Variants in KLHL24 observed in about 807,000 individuals in gnomAD.
The protein encoded by KLHL24 is kelch like family member 24.
In KLHL24, 29 loss-of-function variants were observed where a neutral mutation model predicts 53.4. That is an observed-to-expected ratio of 0.54 (90% CI 0.40 to 0.74). The LOEUF (loss-of-function observed/expected upper bound fraction) is 0.74, where lower values mean the gene tolerates loss of function less well. Among genes scored for constraint, KLHL24 ranks in the 30% least tolerant of loss-of-function variants. The pLI is 0.00. For missense variants in KLHL24, 504 were observed against 744.0 expected, an observed-to-expected ratio of 0.68 and a Z score of 3.75; for synonymous variants, 222 against 253.7, an observed-to-expected ratio of 0.88 and a Z score of 1.19.
chr3:183,674,376 T>C (rs1258041826), intron 7 of KLHL24, among the ~76,000 whole-genome samples: 1 of 151,674 alleles, frequency 6.6e-6, no homozygotes, highest in Non-Finnish European at 1.5e-5. Flanking sequence ...CTTTCTTTTT[T>C]TGAGACGGAG....
intron 5 of KLHL24, among the ~76,000 whole-genome samples, chr3:183,669,294 G>A (rs970244149): frequency 6.6e-6 from 1 of 152,140 alleles, no homozygotes; most frequent in African/African-American, 2.4e-5. Flanking sequence ...AGACATTGCA[G>A]TGAGCTGAGA....
At chr3:183,660,852 T>C (rs1007077383) in intron 3 of KLHL24, among the ~76,000 whole-genome samples, 1 of 151,334 alleles carries the variant, frequency 6.6e-6, no homozygotes, top group African/African-American at 2.4e-5. Context: ...GGTCAGGAGA[T>C]CGAAACCACG....
chr3:183,635,968 TG>T (rs1288380113), intron 1 of KLHL24, among the ~76,000 whole-genome samples, 175 bp downstream of exon 1: 2 of 152,074 alleles, frequency 1.3e-5, no homozygotes, highest in African/African-American at 2.4e-5. Context: ...AGGGTTCACC[TG>T]GGGGGTCTTC....
rs921684354 is a variant in KLHL24 at position 183,681,162 on chromosome 3, G to A, written c.*1876G>A. On this transcript the variant is annotated 3_prime_UTR_variant, in exon 8 of 8. Transcript: ENST00000242810. ...TTTCTATCCTCTTAGTTGAAAGAAT[G>A]TAGGTACAGTTTGGATACTTGTACT... The A allele has an allele frequency of 3.3e-5, 5 of 152,044 alleles. No individual in the cohort carries two copies. Among genetic ancestry groups the A allele is most frequent in the Non-Finnish European group, 7.4e-5 (5 of 67,950 alleles). The allele number at this position is 152,044 out of a possible 1,614,324, so 9.4% of individuals were successfully genotyped here. A position where few individuals can be genotyped will look rare whatever the true frequency, so the allele number is the denominator to read the frequency against.
In KLHL24 at chr3:183,683,151, G is replaced by C. The variant is rs192091647; in HGVS notation, c.*3865G>C. 6.6e-6 allele frequency: 1 copy of C among 151,962 alleles called. No homozygotes were observed. The highest frequency in any genetic ancestry group is 1.5e-5 in the Non-Finnish European group (1 of 68,084). 9.4% of individuals were successfully genotyped at this position (151,962 alleles called of 1,614,324 possible). On this transcript the variant is annotated 3_prime_UTR_variant, in exon 8 of 8. Coordinates refer to ENST00000242810, the MANE Select transcript of KLHL24 (RefSeq NM_017644.3). The stretch of plus-strand genomic sequence containing the variant: ...AGTAGAGACGGGGTTTAGTAGAGAC[G>C]GATCACTCCTGACCACGTGATCCGC...
At chr3:183,667,234 A>G (rs1295784305) in intron 5 of KLHL24, among the ~76,000 whole-genome samples, 2 of 152,184 alleles carry the variant, frequency 1.3e-5, no homozygotes, top group African/African-American at 4.8e-5. Flanking sequence ...CCTGGCCAAC[A>G]TGGTGAAACC....
intron 3 of KLHL24, among the ~76,000 whole-genome samples, chr3:183,658,938 G>T (rs926321371): frequency 6.6e-6 from 1 of 151,750 alleles, no homozygotes; most frequent in East Asian, 1.9e-4. Context: ...CGAGTAGCTG[G>T]AACTACAGGC....
intron 1 of KLHL24, among the ~76,000 whole-genome samples, chr3:183,638,111 C>T (rs1195320289): frequency 5.3e-5 from 8 of 152,216 alleles, no homozygotes; most frequent in Non-Finnish European, 7.3e-5. Flanking sequence ...ACCGCCTCAT[C>T]ACTTGTGCAT....
At chr3:183,665,092 C>T (rs147032317) in intron 5 of KLHL24, 53 bp downstream of exon 5, 1 of 893,802 alleles carries the variant, frequency 1.1e-6, no homozygotes. Flanking sequence ...AAAGTAAATA[C>T]CACAGCTGAA....
At chr3:183,661,601 T>G (rs1560171243) in intron 3 of KLHL24, among the ~76,000 whole-genome samples, 2 of 152,222 alleles carry the variant, frequency 1.3e-5, no homozygotes, top group Non-Finnish European at 2.9e-5. Flanking sequence ...TAGCAGACAT[T>G]GAAGTTACCC....
Position 183,644,034 on chromosome 3 carries a change from C to CTTTTTTTTTTTTTTTTT in KLHL24, c.-62+501_-62+517dup, listed in dbSNP as rs397955282. The CTTTTTTTTTTTTTTTTT allele has an allele frequency of 1.1e-4, 8 of 76,110 alleles. 1 individual carries two copies. Among genetic ancestry groups the CTTTTTTTTTTTTTTTTT allele is most frequent in the African/African-American group, 4.8e-4 (8 of 16,516 alleles). 4.7% of individuals were successfully genotyped at this position (76,110 alleles called of 1,614,324 possible). A position where few individuals can be genotyped will look rare whatever the true frequency, so the allele number is the denominator to read the frequency against. On this transcript the variant is annotated intron_variant, in intron 2 of 7. Transcript: ENST00000242810. ...GATGATAGGATAACATTTTTCTTTC[C>CTTTTTTTTTTTTTTTTT]TTTTTTTTTTTTTTTTTTTTTTTTT...
intron 1 of KLHL24, chr3:183,642,952 C>A (rs367573501): frequency 6.6e-6 from 1 of 152,130 alleles, no homozygotes; most frequent in African/African-American, 2.4e-5. Flanking sequence ...TGTCAAGTGC[C>A]GGGCACGGTG....
chr3:183,642,849 A>G (rs921885911), intron 1 of KLHL24: 2 of 152,132 alleles, frequency 1.3e-5, no homozygotes, highest in Non-Finnish European at 2.9e-5. Context: ...ATGTTTTTTC[A>G]GTGCTACCAT....
chr3:183,672,389 C>G lies in KLHL24; in HGVS notation c.1507C>G (p.Leu503Val), dbSNP rs777944571. 1 of 1,613,534 alleles carries G rather than the reference C, an allele frequency of 6.2e-7. No homozygotes were observed. Among genetic ancestry groups the G allele is most frequent in the Non-Finnish European group, 8.5e-7 (1 of 1,179,674 alleles). The change falls in exon 7 of 8, where the codon CTG becomes GTG. Residue 503 changes from leucine to valine, a missense_variant. Physicochemically the swap from Leu to Val is conservative, Grantham distance 32. Coordinates refer to ENST00000242810, the MANE Select transcript of KLHL24 (RefSeq NM_017644.3). ...TATAACAGCTGTATCCCTAAACAAC[C>G]TGATCTATGTTGCCGGTGGACTGAC... ...RCITAVSLNN[L>V]IYVAGGLTKA... is the part of the protein sequence containing the mutation.
Position 183,683,740 on chromosome 3 carries a change from A to G in KLHL24, c.*4454A>G, listed in dbSNP as rs767188193. On this transcript the variant is annotated 3_prime_UTR_variant, in exon 8 of 8. Coordinates refer to ENST00000242810, the MANE Select transcript of KLHL24 (RefSeq NM_017644.3). The stretch of plus-strand genomic sequence containing the variant: ...AAAAGAATTTGTTTTAATGGTTTCA[A>G]AATAACTGCACCTGAATTTGTTTAT... 10 of 152,670 alleles carry G rather than the reference A, an allele frequency of 6.6e-5. No homozygotes were observed. The East Asian group carries it at 1.2e-3, about 18-fold the overall frequency. The allele number at this position is 152,670 out of a possible 1,614,324, so 9.5% of individuals were successfully genotyped here.
chr3:183,664,988 C>T lies in KLHL24; in HGVS notation c.1173C>T (p.Ala391=), dbSNP rs757349644. ...NSQLNIWIRV[A]SLNKGRWRHK... ...AGTTAAATATTTGGATCAGAGTTGC[C>T]TCTCTCAATAAAGGCAGATGGCGTC... is the stretch of plus-strand genomic sequence containing the variant. The change falls in exon 5 of 8, where the codon GCC becomes GCT. Residue 391 remains alanine (A), a synonymous_variant. Coordinates refer to ENST00000242810, the MANE Select transcript of KLHL24 (RefSeq NM_017644.3). 3.1e-6 allele frequency: 5 copies of T among 1,612,412 alleles called. No individual in the cohort carries two copies. In the South Asian group the frequency reaches 5.5e-5, roughly 18 times the overall value.
chr3:183,674,741 A>G (rs1305589045), intron 7 of KLHL24, among the ~76,000 whole-genome samples: 7 of 152,194 alleles, frequency 4.6e-5, no homozygotes, highest in Non-Finnish European at 1.5e-5. Context: ...TTACCACTTC[A>G]TTCTAGACCT....
chr3:183,653,776 G>T (rs1399886806), intron 3 of KLHL24, among the ~76,000 whole-genome samples: 2 of 149,266 alleles, frequency 1.3e-5, no homozygotes, highest in Admixed American at 1.3e-4. Context: ...TTTTTTGGGG[G>T]CCTTTGCCTG....
chr3:183,639,629 CAAAAA>C (rs767908911), intron 1 of KLHL24, among the ~76,000 whole-genome samples: 6 of 39,472 alleles, frequency 1.5e-4, no homozygotes, highest in East Asian at 7.5e-4. Flanking sequence ...GACTCTGTCT[CAAAAA>C]AAAAAAAAAA....
Sources: allele counts gnomAD v4.1 joint callset (sites outside exome capture counted in the v4.1 genomes callset), GRCh38; gene constraint gnomAD v4.1.1; transcripts MANE v1.5; gene names NCBI Gene and HGNC (gene_info 2026-07-23, HGNC 2026-07-21).